Variants in CRTC3 observed in about 807,000 individuals in gnomAD.
The protein encoded by CRTC3 is CREB-regulated transcription coactivator 3.
A neutral mutation model predicts 74.5 loss-of-function variants in CRTC3; 26 were observed. The ratio of observed to expected loss-of-function variants is 0.35; its 90% CI spans 0.26 to 0.48. CRTC3 has a LOEUF of 0.48. Among genes scored for constraint, CRTC3 ranks in the 20% least tolerant of loss-of-function variants. CRTC3 has a pLI of 0.99. For missense variants in CRTC3, 760 were observed against 787.3 expected, an observed-to-expected ratio of 0.97 and a Z score of 0.41; for synonymous variants, 377 against 325.8, an observed-to-expected ratio of 1.16 and a Z score of -1.69.
At chr15:90,603,994 C>G (rs1349107849) in intron 4 of CRTC3, among the ~76,000 whole-genome samples, 1 of 152,142 alleles carries the variant, frequency 6.6e-6, no homozygotes, top group East Asian at 1.9e-4. Flanking sequence ...ACTGGTTAGA[C>G]TTAATATTTT....
intron 2 of CRTC3, among the ~76,000 whole-genome samples, chr15:90,547,785 A>C (rs1966846907): frequency 6.6e-6 from 1 of 151,988 alleles, no homozygotes; most frequent in Admixed American, 6.6e-5. Context: ...TGTAACAGCT[A>C]GGGCACATGT....
chr15:90,589,546 C>T (rs1967750337), intron 2 of CRTC3, among the ~76,000 whole-genome samples: 1 of 152,086 alleles, frequency 6.6e-6, no homozygotes, highest in Non-Finnish European at 1.5e-5. Context: ...TTTGTAGAGA[C>T]AGGGTCTCAC....
chr15:90,628,312 A>T (rs1383420455), intron 10 of CRTC3, among the ~76,000 whole-genome samples: 1 of 152,086 alleles, frequency 6.6e-6, no homozygotes, highest in Admixed American at 6.5e-5. Context: ...CAAACACTTA[A>T]ATTTTTTGTC....
intron 10 of CRTC3, among the ~76,000 whole-genome samples, chr15:90,626,602 A>G (rs961503196): frequency 1.4e-5 from 2 of 147,952 alleles, no homozygotes; most frequent in African/African-American, 5.1e-5. Flanking sequence ...ATTTGTTTGA[A>G]GCCTGACACT....
At chr15:90,605,847 T>G (rs4244881) in intron 5 of CRTC3, among the ~76,000 whole-genome samples, 33,883 of 152,130 alleles carry the variant, frequency 0.22, 3,907 homozygotes, top group African/African-American at 0.27. Flanking sequence ...GATAAATAGA[T>G]AATCATCTCT....
intron 13 of CRTC3, 197 bp from the exon 14 acceptor site, chr15:90,640,900 T>C (rs1350432830): frequency 1.2e-5 from 7 of 575,298 alleles, no homozygotes; most frequent in Non-Finnish European, 6.3e-6. Flanking sequence ...GGACCCCTCC[T>C]CCACCCCAGC....
At chr15:90,539,979 T>G in intron 1 of CRTC3, 60 bp from the exon 2 acceptor site, 1 of 1,130,782 alleles carries the variant, frequency 8.8e-7, no homozygotes, top group Non-Finnish European at 1.3e-6. Context: ...TACTATACTT[T>G]GATGCTTCTT....
chr15:90,591,394 C>A (rs1162930228), intron 2 of CRTC3, among the ~76,000 whole-genome samples: 3 of 152,000 alleles, frequency 2.0e-5, no homozygotes, highest in Non-Finnish European at 4.4e-5. Flanking sequence ...TGCTGGGACT[C>A]TAGACAGGAG....
intron 14 of CRTC3, among the ~76,000 whole-genome samples, chr15:90,641,656 C>T (rs1397722312): frequency 6.6e-6 from 1 of 151,090 alleles, no homozygotes; most frequent in African/African-American, 2.5e-5. Context: ...GAGATTGTGC[C>T]ACTGTACTCC....
At chr15:90,565,962 T>A (rs1309911187) in intron 2 of CRTC3, among the ~76,000 whole-genome samples, 2 of 152,128 alleles carry the variant, frequency 1.3e-5, no homozygotes, top group Admixed American at 1.3e-4. Flanking sequence ...TGCAAATGAT[T>A]GAGGTTAGTG....
At chr15:90,545,167 T>C in intron 2 of CRTC3, among the ~76,000 whole-genome samples, 1 of 152,222 alleles carries the variant, frequency 6.6e-6, no homozygotes, top group Non-Finnish European at 1.5e-5. Flanking sequence ...TTATAGTCTG[T>C]GACATGATTT....
intron 11 of CRTC3, chr15:90,635,135 C>G: frequency 1.7e-6 from 1 of 595,254 alleles, no homozygotes; most frequent in Non-Finnish European, 3.0e-6. Flanking sequence ...TTATAATAAA[C>G]TAATGATAAC....
At chr15:90,592,923 T>C (rs1453476040) in intron 2 of CRTC3, among the ~76,000 whole-genome samples, 1 of 152,000 alleles carries the variant, frequency 6.6e-6, no homozygotes, top group African/African-American at 2.4e-5. Context: ...GAGGCTGAGG[T>C]GGGCTGATCA....
At chr15:90,577,186 A>G (rs1028039866) in intron 2 of CRTC3, among the ~76,000 whole-genome samples, 1 of 152,118 alleles carries the variant, frequency 6.6e-6, no homozygotes, top group Non-Finnish European at 1.5e-5. Flanking sequence ...CATTACCATT[A>G]TAAGTGCTGG....
chr15:90,602,042 G>C (rs910563981), intron 3 of CRTC3, among the ~76,000 whole-genome samples: 4 of 152,196 alleles, frequency 2.6e-5, no homozygotes, highest in Non-Finnish European at 5.9e-5. Context: ...AGTGTTACCA[G>C]GTTTGGAGCA....
At chr15:90,615,721 C>G (rs1968475225) in intron 7 of CRTC3, among the ~76,000 whole-genome samples, 1 of 152,238 alleles carries the variant, frequency 6.6e-6, no homozygotes, top group Non-Finnish European at 1.5e-5. Flanking sequence ...GAGTCTGCCC[C>G]AACCATGTTC....
intron 2 of CRTC3, among the ~76,000 whole-genome samples, chr15:90,545,852 A>T (rs1966843461): frequency 6.6e-6 from 1 of 152,206 alleles, no homozygotes; most frequent in Non-Finnish European, 1.5e-5. Flanking sequence ...TGCTGGGATT[A>T]CAGGCGTGAG....
At chr15:90,604,739 A>G (rs1968171534) in intron 5 of CRTC3, among the ~76,000 whole-genome samples, 1 of 152,162 alleles carries the variant, frequency 6.6e-6, no homozygotes, top group Non-Finnish European at 1.5e-5. Context: ...TACCTAGATC[A>G]TGGGTTGGTT....
intron 2 of CRTC3, among the ~76,000 whole-genome samples, chr15:90,569,630 G>A (rs1292792280): frequency 3.3e-5 from 5 of 151,322 alleles, no homozygotes; most frequent in Admixed American, 3.3e-4. Context: ...ACCCAGGCTG[G>A]AGTGCATAGG....
Sources: allele counts gnomAD v4.1 joint callset (sites outside exome capture counted in the v4.1 genomes callset), GRCh38; gene constraint gnomAD v4.1.1; transcripts MANE v1.5; gene names NCBI Gene and HGNC (gene_info 2026-07-23, HGNC 2026-07-21).